Variants in SCLT1 observed in about 807,000 individuals in gnomAD.
The protein encoded by SCLT1 is sodium channel-associated protein 1.
SCLT1 carries 78 observed loss-of-function variants against 112.8 expected under a neutral mutation model. The ratio of observed to expected loss-of-function variants is 0.69; its 90% CI spans 0.58 to 0.83. SCLT1 has a LOEUF of 0.83. Among genes scored for constraint, SCLT1 ranks in the 40% least tolerant of loss-of-function variants. SCLT1 has a pLI of 0.00. For missense variants in SCLT1, 747 were observed against 770.4 expected (o/e 0.97, Z 0.36); for synonymous variants, 257 against 254.7 (o/e 1.01, Z -0.09).
At chr4:128,997,146 A>AT (rs1470406062) in intron 8 of SCLT1, 1 of 151,934 alleles carries the variant, frequency 6.6e-6, no homozygotes, top group African/African-American at 2.4e-5. Flanking sequence ...TGGTTTAATA[A>AT]TTTTTTACAT....
intron 1 of SCLT1, among the ~76,000 whole-genome samples, chr4:129,091,317 G>C (rs1391542892): frequency 6.6e-6 from 1 of 151,492 alleles, no homozygotes; most frequent in Non-Finnish European, 1.5e-5. Context: ...TGCTCCTTCT[G>C]CTTGAGATTT....
At chr4:129,064,627 C>T (rs554273397) in intron 2 of SCLT1, among the ~76,000 whole-genome samples, 3 of 152,254 alleles carry the variant, frequency 2.0e-5, no homozygotes, top group African/African-American at 7.2e-5. Flanking sequence ...AGGAAAAGTA[C>T]ATTTACACTA....
At chr4:128,954,397 C>A (rs1739046583) in intron 13 of SCLT1, among the ~76,000 whole-genome samples, 1 of 149,230 alleles carries the variant, frequency 6.7e-6, no homozygotes, top group Non-Finnish European at 1.5e-5. Flanking sequence ...CAGCTCACGG[C>A]AAGCCCCGCC....
chr4:128,933,686 T>C (rs923422578), intron 18 of SCLT1, among the ~76,000 whole-genome samples: 4 of 152,288 alleles, frequency 2.6e-5, no homozygotes, highest in South Asian at 4.1e-4. Flanking sequence ...AGAATACACG[T>C]TCTTAACGAG....
At chr4:129,052,712 TTG>T (rs1324020751) in intron 2 of SCLT1, among the ~76,000 whole-genome samples, 1 of 152,166 alleles carries the variant, frequency 6.6e-6, no homozygotes, top group Non-Finnish European at 1.5e-5. Flanking sequence ...GAAGGGTTTT[TTG>T]TGTCTCTATC....
intron 13 of SCLT1, among the ~76,000 whole-genome samples, chr4:128,953,144 G>T (rs1738907075): frequency 6.6e-6 from 1 of 152,040 alleles, no homozygotes; most frequent in Non-Finnish European, 1.5e-5. Context: ...TACCATATTA[G>T]AAATGAAAAC....
chr4:129,054,731 C>G (rs888017357), intron 2 of SCLT1, among the ~76,000 whole-genome samples: 2 of 152,034 alleles, frequency 1.3e-5, no homozygotes, highest in Non-Finnish European at 2.9e-5. Context: ...TATTACCCAC[C>G]CTCTGAAGCC....
intron 18 of SCLT1, among the ~76,000 whole-genome samples, chr4:128,897,589 C>T (rs1285914284): frequency 1.3e-5 from 2 of 151,866 alleles, no homozygotes; most frequent in South Asian, 2.1e-4. Flanking sequence ...TAAAGACCAT[C>T]GAGGCTAGGA....
chr4:128,902,495 C>A (rs1307310690), intron 18 of SCLT1, among the ~76,000 whole-genome samples: 1 of 151,918 alleles, frequency 6.6e-6, no homozygotes, highest in African/African-American at 2.4e-5. Context: ...TGTAAGTTTT[C>A]GTGTATCTAC....
intron 18 of SCLT1, among the ~76,000 whole-genome samples, chr4:128,931,922 T>C (rs1044102144): frequency 6.6e-6 from 1 of 150,892 alleles, no homozygotes; most frequent in Non-Finnish European, 1.5e-5. Flanking sequence ...TTATATTTAT[T>C]CCTAAAATCT....
intron 5 of SCLT1, among the ~76,000 whole-genome samples, chr4:129,007,765 A>T (rs1265877322): frequency 6.6e-6 from 1 of 152,176 alleles, no homozygotes; most frequent in African/African-American, 2.4e-5. Flanking sequence ...CTACTACCTT[A>T]GTATTTCCTA....
At chr4:129,046,819 T>C (rs767127081) in intron 2 of SCLT1, among the ~76,000 whole-genome samples, 6 of 152,124 alleles carry the variant, frequency 3.9e-5, no homozygotes, top group Admixed American at 1.3e-4. Flanking sequence ...CACATCTTTG[T>C]CAACACTTGG....
intron 5 of SCLT1, among the ~76,000 whole-genome samples, chr4:129,019,455 A>C (rs1227587299): frequency 6.6e-6 from 1 of 152,166 alleles, no homozygotes; most frequent in African/African-American, 2.4e-5. Flanking sequence ...TCACTTTTGC[A>C]GGTGTTAAAA....
chr4:129,013,105 T>C (rs1218896496), intron 5 of SCLT1, among the ~76,000 whole-genome samples: 2 of 152,120 alleles, frequency 1.3e-5, no homozygotes, highest in African/African-American at 2.4e-5. Context: ...AAGCCCAGTA[T>C]CCAGTAGTTA....
chr4:128,963,092 T>G (rs1739880394), intron 11 of SCLT1, among the ~76,000 whole-genome samples: 1 of 152,156 alleles, frequency 6.6e-6, no homozygotes, highest in Non-Finnish European at 1.5e-5. Flanking sequence ...TCAATTCAGG[T>G]GGATAGTGGC....
chr4:129,087,909 G>A (rs1752535565), intron 1 of SCLT1, among the ~76,000 whole-genome samples: 1 of 151,528 alleles, frequency 6.6e-6, no homozygotes, highest in Non-Finnish European at 1.5e-5. Context: ...AACATAGGGA[G>A]ACCCTATCTC....
At chr4:129,078,417 C>T (rs1050248425) in intron 2 of SCLT1, among the ~76,000 whole-genome samples, 5 of 152,034 alleles carry the variant, frequency 3.3e-5, no homozygotes, top group Non-Finnish European at 5.9e-5. Flanking sequence ...TTTGTTCAGG[C>T]CTATTCCACA....
intron 19 of SCLT1, among the ~76,000 whole-genome samples, chr4:128,889,878 T>G (rs1476304861): frequency 6.6e-6 from 1 of 152,190 alleles, no homozygotes; most frequent in Admixed American, 6.5e-5. Context: ...AACTTATAGT[T>G]CCCATGTCCT....
At chr4:128,950,995 T>C (rs1738683326) in intron 14 of SCLT1, among the ~76,000 whole-genome samples, 1 of 152,136 alleles carries the variant, frequency 6.6e-6, no homozygotes, top group Non-Finnish European at 1.5e-5. Context: ...TCTTAATCTA[T>C]TAAATAATCT....
Sources: gnomAD v4.1 joint callset for allele counts (sites outside exome capture counted in the v4.1 genomes callset) on GRCh38, gnomAD v4.1.1 for gene constraint, MANE v1.5 for transcripts, NCBI Gene and HGNC (gene_info 2026-07-23, HGNC 2026-07-21) for gene names.